The following MAP4 variants were observed in gnomAD, a reference collection of about 807,000 sequenced individuals.
MAP4 encodes microtubule associated protein 4.
A neutral mutation model predicts 170.2 loss-of-function variants in MAP4; 76 were observed. The ratio of observed to expected loss-of-function variants is 0.45; its 90% CI spans 0.37 to 0.54. MAP4 has a LOEUF of 0.54. Among genes scored for constraint, MAP4 ranks in the 20% least tolerant of loss-of-function variants. The pLI is 0.00. For synonymous variants in MAP4, 909 were observed against 994.5 expected (o/e 0.91, Z 1.62); for missense variants, 2,506 against 2,748.0 (o/e 0.91, Z 1.97).
In MAP4 at chr3:47,916,208, A is replaced by G; in HGVS notation, c.1619T>C (p.Met540Thr). 1 of 1,614,106 alleles carries G rather than the reference A, an allele frequency of 6.2e-7. No individual in the cohort carries two copies. The highest frequency in any genetic ancestry group is 8.5e-7 in the Non-Finnish European group (1 of 1,180,000). ...LIKNVCLPPE[M>T]EVALTEDQVP... Reference sequence around the variant, plus strand: ...CTGATCCTCAGTCAGGGCCACCTCCATTTCTGGAGGCAGACATACGTTCTT... The same window carrying G: ...CTGATCCTCAGTCAGGGCCACCTCCGTTTCTGGAGGCAGACATACGTTCTT... Residue 540 changes from methionine to threonine, a missense_variant, in exon 7 of 21, where the codon ATG (methionine) becomes ACG (threonine). Coordinates refer to ENST00000683076, the MANE Select transcript of MAP4 (RefSeq NM_001385682.1).
At chr3:47,906,045 A>G (rs1199814078) in intron 9 of MAP4, among the ~76,000 whole-genome samples, 2 of 151,704 alleles carry the variant, frequency 1.3e-5, no homozygotes, top group Non-Finnish European at 2.9e-5. Flanking sequence ...AATCTATGCC[A>G]TGAAATAATT....
Position 47,891,448 on chromosome 3 carries a change from C to G in MAP4, c.5434+11502G>C, listed in dbSNP as rs1469270765. The G allele has an allele frequency of 3.3e-6, 5 of 1,530,580 alleles. No individual in the cohort carries two copies. The South Asian group carries it at 4.8e-5, about 15-fold the overall frequency. 94.8% of individuals were successfully genotyped at this position (1,530,580 alleles called of 1,614,324 possible). On this transcript the variant is annotated intron_variant, in intron 10 of 20. Transcript: ENST00000683076. ...TGGAGCGCTTCATAGCAGGAGCTCC[C>G]AGTTTCCCAGGTGTAGGACTAGGCA...
chr3:48,056,170 T>C (rs1428074545), intron 1 of MAP4, among the ~76,000 whole-genome samples: 1 of 92,068 alleles, frequency 1.1e-5, no homozygotes, highest in South Asian at 4.7e-4. Context: ...AGGTGGGGGG[T>C]CAGCCCCCCC....
chr3:47,887,989 T>C (rs1383003721), intron 10 of MAP4, among the ~76,000 whole-genome samples: 1 of 150,624 alleles, frequency 6.6e-6, no homozygotes, highest in Non-Finnish European at 1.5e-5. Flanking sequence ...TGCATCTAGC[T>C]CAAGGTTTGT....
intron 1 of MAP4, among the ~76,000 whole-genome samples, chr3:48,014,121 T>A (rs1279385699): frequency 2.6e-5 from 4 of 152,232 alleles, no homozygotes; most frequent in African/African-American, 7.2e-5. Context: ...CCACAGTACT[T>A]TGTTGTATGC....
intron 1 of MAP4, among the ~76,000 whole-genome samples, chr3:48,058,227 AC>A (rs1376690642): frequency 6.6e-6 from 1 of 152,238 alleles, no homozygotes; most frequent in Non-Finnish European, 1.5e-5. Context: ...TCAGTCCTAG[AC>A]TACAATGACT....
intron 10 of MAP4, chr3:47,891,030 G>T (rs1440915402): frequency 6.7e-7 from 1 of 1,481,786 alleles, no homozygotes; most frequent in East Asian, 2.5e-5. Flanking sequence ...ATACCATCAC[G>T]TGGGGGCTTT....
At chr3:47,992,267 AT>A (rs2100092779) in intron 2 of MAP4, among the ~76,000 whole-genome samples, 1 of 152,120 alleles carries the variant, frequency 6.6e-6, no homozygotes, top group Non-Finnish European at 1.5e-5. Context: ...ATTGCACCAG[AT>A]TTCTACAAGA....
chr3:48,042,800 A>G (rs137948686), intron 1 of MAP4, among the ~76,000 whole-genome samples: 2 of 152,352 alleles, frequency 1.3e-5, no homozygotes, highest in East Asian at 3.9e-4. Flanking sequence ...CATACATACA[A>G]TGGAATATTA....
chr3:47,909,478 C>A lies in MAP4; in HGVS notation c.4943G>T (p.Gly1648Val), dbSNP rs750226563. Residue 1648 changes from glycine to valine, a missense_variant, in exon 9 of 21, where the codon GGT becomes GTT. Gly to Val is a moderately radical substitution (Grantham distance 109, BLOSUM62 -3). This residue lies in a region of MAP4 where 2,008 missense variants were observed against 2,206.0 expected (regional missense o/e 0.91). Transcript: ENST00000683076. Reference protein sequence around the residue: ...DQNAQDRNSKGSDSLNKKVDL... With the variant: ...DQNAQDRNSKVSDSLNKKVDL... ...TACCTTCTTATTCAAACTATCTGAA[C>A]CTTTGGAATTTCTATCTTGAGCATT... 16 of 1,613,712 alleles carry A rather than the reference C, an allele frequency of 9.9e-6. No homozygotes were observed. The highest frequency in any genetic ancestry group is 1.4e-5 in the Non-Finnish European group (16 of 1,179,882).
At chr3:47,924,011 G>C (rs1024080261) in intron 4 of MAP4, among the ~76,000 whole-genome samples, 17 of 152,156 alleles carry the variant, frequency 1.1e-4, no homozygotes, top group Admixed American at 1.1e-3. Flanking sequence ...ATTCTGGATG[G>C]TTTGCACTTT....
chr3:48,004,403 T>C (rs769056435), intron 1 of MAP4, among the ~76,000 whole-genome samples: 1 of 152,148 alleles, frequency 6.6e-6, no homozygotes, highest in South Asian at 2.1e-4. Flanking sequence ...CCTTTGACCA[T>C]ATGTGGAAAA....
chr3:47,869,220 C>T lies in MAP4; in HGVS notation c.6402G>A (p.Ala2134=), dbSNP rs200032630. The change falls in exon 16 of 21, where the codon GCG becomes GCA. Residue 2134 remains alanine (A), a synonymous_variant. Coordinates refer to ENST00000683076, the MANE Select transcript of MAP4 (RefSeq NM_001385682.1). ...GPIASAQKQP[A]GKVQIVSKKV... ...GGGTCTAAATAAAACTCACTTTCCC[C>T]GCAGGTTGTTTCTGTGCACTTGCAA... 110 of 1,610,408 alleles carry T rather than the reference C, an allele frequency of 6.8e-5. No homozygotes were observed. The East Asian group carries it at 1.6e-3, about 23-fold the overall frequency.
intron 11 of MAP4, chr3:47,877,212 A>G (rs2095622253): frequency 4.0e-6 from 2 of 498,374 alleles, no homozygotes; most frequent in African/African-American, 1.9e-5. Context: ...ATAAGATAAT[A>G]GGGTCAAAGG....
At chr3:47,862,465 T>C (rs1455341498) in intron 17 of MAP4, among the ~76,000 whole-genome samples, 1 of 151,014 alleles carries the variant, frequency 6.6e-6, no homozygotes, top group African/African-American at 2.4e-5. Context: ...ATTTTAAATA[T>C]ATGGATCAAT....
intron 11 of MAP4, 95 bp downstream of exon 11, chr3:47,877,322 A>G (rs2152477830): frequency 1.0e-6 from 1 of 975,204 alleles, no homozygotes; most frequent in East Asian, 2.4e-5. Flanking sequence ...CAGCTCAGAA[A>G]AAAGAAATTT....
rs771379223 is a variant in MAP4 at position 47,998,664 on chromosome 3, G to A, written c.197C>T (p.Pro66Leu). 2.2e-5 allele frequency: 36 copies of A among 1,614,022 alleles called. No homozygotes were observed. Among genetic ancestry groups the A allele is most frequent in the East Asian group, 2.2e-4 (10 of 44,876 alleles). ...KTGNSESKKK[P>L]CSETSQIEDT... is the part of the protein sequence containing the mutation. Reference sequence around the variant, plus strand: ...TTCAATCTGGCTAGTTTCTGAGCACGGTTTCTTCTTTGACTCTGAGTTCCC... The same window carrying A: ...TTCAATCTGGCTAGTTTCTGAGCACAGTTTCTTCTTTGACTCTGAGTTCCC... The change falls in exon 2 of 21, where the codon CCG becomes CTG. Residue 66 changes from proline (P) to leucine (L), a missense_variant. Physicochemically the swap from Pro to Leu is moderately conservative, Grantham distance 98. This residue lies in a region of MAP4 where 2,008 missense variants were observed against 2,206.0 expected (regional missense o/e 0.91). Transcript: ENST00000683076.
intron 3 of MAP4, among the ~76,000 whole-genome samples, chr3:47,955,525 G>T (rs1285661486): frequency 1.3e-5 from 2 of 150,724 alleles, no homozygotes; most frequent in African/African-American, 4.9e-5. Context: ...CTGATAAATA[G>T]CAAGTAGCAA....
At chr3:48,006,067 C>T (rs916558579) in intron 1 of MAP4, among the ~76,000 whole-genome samples, 9 of 152,324 alleles carry the variant, frequency 5.9e-5, no homozygotes, top group South Asian at 2.1e-4. Flanking sequence ...AGGAAGCCTA[C>T]TGCATTCCCA....
Sources: gnomAD v4.1 joint callset for allele counts (sites outside exome capture counted in the v4.1 genomes callset) on GRCh38, gnomAD v4.1.1 for gene constraint, gnomAD v4.1.1 regional missense constraint, MANE v1.5 for transcripts, NCBI Gene and HGNC (gene_info 2026-07-23, HGNC 2026-07-21) for gene names.